GALNT16: variants seen among roughly 807,000 people sequenced by gnomAD.
The protein encoded by GALNT16 is polypeptide N-acetylgalactosaminyltransferase 16.
GALNT16 carries 40 observed loss-of-function variants against 76.1 expected under a neutral mutation model. The ratio of observed to expected loss-of-function variants is 0.53; its 90% CI spans 0.41 to 0.68. The LOEUF (loss-of-function observed/expected upper bound fraction) is 0.68, where lower values mean the gene tolerates loss of function less well. Among genes scored for constraint, GALNT16 ranks in the 30% least tolerant of loss-of-function variants. The pLI is 0.00. For missense variants in GALNT16, 621 were observed against 731.9 expected (o/e 0.85, Z 1.75); for synonymous variants, 276 against 285.2 (o/e 0.97, Z 0.32).
At chr14:69,334,551 G>A (rs138727770) in intron 9 of GALNT16, among the ~76,000 whole-genome samples, 2 of 152,348 alleles carry the variant, frequency 1.3e-5, no homozygotes, top group Non-Finnish European at 2.9e-5. Context: ...GTGCGGGCAG[G>A]ATAGAGGGAA....
downstream of GALNT16, chr14:69,354,523 C>G (rs2045676736): frequency 6.5e-6 from 1 of 153,026 alleles, no homozygotes; most frequent in African/African-American, 2.4e-5. Context: ...GCACACCCTC[C>G]CCCGCCTCGT....
chr14:69,334,545 G>A (rs1459166240), intron 9 of GALNT16, among the ~76,000 whole-genome samples: 3 of 152,214 alleles, frequency 2.0e-5, no homozygotes, highest in South Asian at 4.1e-4. Context: ...TACATGGTGC[G>A]GGCAGGATAG....
chr14:69,260,068 C>G, upstream of GALNT16: 1 of 494,388 alleles, frequency 2.0e-6, no homozygotes, highest in Non-Finnish European at 3.6e-6. Context: ...GCCCGGGGGA[C>G]GCGCGCGCTC....
At chr14:69,260,136 A>ACTCCCCCC, upstream of GALNT16, 18 of 113,994 alleles carry the variant, frequency 1.6e-4, 7 homozygotes, top group South Asian at 1.7e-3. Flanking sequence ...TCTCCCTATC[A>ACTCCCCCC]CCCCCCCGCC....
rs2045442233 is a variant in GALNT16 at position 69,338,505 on chromosome 14, G to T, written c.968-146G>T. The T allele has an allele frequency of 4.8e-6, 5 of 1,044,842 alleles. No homozygotes were observed. In the East Asian group the frequency reaches 1.2e-4, roughly 26 times the overall value. The allele number at this position is 1,044,842 out of a possible 1,614,324, so 64.7% of individuals were successfully genotyped here. A position where few individuals can be genotyped will look rare whatever the true frequency, so the allele number is the denominator to read the frequency against. On this transcript the variant is annotated intron_variant, in intron 9 of 14. Transcript: ENST00000448469. ...GCAGTCAGGAACCTGTGCAAGGAGTGGGAGCACTCCATTTGAGCAGGCCCA... is the reference window on the plus strand; with the variant it reads ...GCAGTCAGGAACCTGTGCAAGGAGTTGGAGCACTCCATTTGAGCAGGCCCA...
At chr14:69,364,889 A>C in the GALNT16 span, among the ~76,000 whole-genome samples, 3 of 152,084 alleles carry the variant, frequency 2.0e-5, no homozygotes, top group African/African-American at 7.3e-5. This position sits in a 1 kb window ranked among gnomAD's most constrained non-coding sequence, Gnocchi z 4.2. Context: ...AAGTGTTTTA[A>C]GTATTATTTC....
intron 1 of GALNT16, among the ~76,000 whole-genome samples, chr14:69,279,838 G>C (rs866036802): frequency 2.0e-4 from 30 of 152,314 alleles, no homozygotes; most frequent in African/African-American, 6.5e-4. Flanking sequence ...GGGGGCCTAG[G>C]CCAAGAAATA....
intron 1 of GALNT16, among the ~76,000 whole-genome samples, chr14:69,311,896 C>CT (rs200480255): frequency 0.028 from 4,324 of 151,924 alleles, 198 homozygotes; most frequent in African/African-American, 0.099. Flanking sequence ...CCCATTATTG[C>CT]TTTTTTTTCC....
intron 14 of GALNT16, chr14:69,348,368 C>T (rs1011944660): frequency 5.4e-5 from 23 of 422,104 alleles, no homozygotes; most frequent in Non-Finnish European, 8.0e-5. Context: ...TCTAATCCTC[C>T]CAGCCACCCA....
chr14:69,343,629 A>G (rs148948761), intron 12 of GALNT16, among the ~76,000 whole-genome samples: 31 of 152,338 alleles, frequency 2.0e-4, no homozygotes, highest in Non-Finnish European at 4.6e-4. Context: ...GACCCTGAAG[A>G]AAAAAGAGCA....
chr14:69,292,213 G>A (rs568293198), intron 1 of GALNT16, among the ~76,000 whole-genome samples: 2 of 152,390 alleles, frequency 1.3e-5, no homozygotes, highest in African/African-American at 4.8e-5. Flanking sequence ...GAGAGGTGAA[G>A]TACTTTGTGC....
rs2044274870 is a variant in GALNT16 at position 69,261,638 on chromosome 14, C to A, written c.177+1171C>A. On this transcript the variant is annotated intron_variant, in intron 1 of 14. Transcript: ENST00000448469. This position sits in a 1 kb window ranked among gnomAD's most constrained non-coding sequence, Gnocchi z 6.4. ...AGGTGCAAGGTCCGGAGGGCTGAGGCTTGTGTGGAGCCGAATCCGAGAAAC... is the reference window on the plus strand; with the variant it reads ...AGGTGCAAGGTCCGGAGGGCTGAGGATTGTGTGGAGCCGAATCCGAGAAAC... Among the ~76,000 whole-genome samples, 1 of 152,060 alleles carries A rather than the reference C, an allele frequency of 6.6e-6. No homozygotes were observed. The highest frequency in any genetic ancestry group is 2.4e-5 in the African/African-American group (1 of 41,402).
the GALNT16 span, among the ~76,000 whole-genome samples, chr14:69,371,138 G>A: frequency 6.6e-6 from 1 of 152,322 alleles, no homozygotes; most frequent in Non-Finnish European, 1.5e-5. Flanking sequence ...TTCCTTGCCT[G>A]AGCAGCTGGT....
At chr14:69,344,664 C>A (rs576905100) in intron 12 of GALNT16, among the ~76,000 whole-genome samples, 7 of 152,278 alleles carry the variant, frequency 4.6e-5, no homozygotes, top group East Asian at 1.9e-4. Context: ...GGGTTTCTTC[C>A]GTAAGCATCA....
At chr14:69,360,983 G>A (rs919735060), downstream of GALNT16, among the ~76,000 whole-genome samples, 21 of 152,228 alleles carry the variant, frequency 1.4e-4, no homozygotes, top group South Asian at 4.1e-4. Flanking sequence ...ACTCTGAGGC[G>A]GAGGGAGAGT....
At chr14:69,264,507 G>T (rs1250291835) in intron 1 of GALNT16, among the ~76,000 whole-genome samples, 1 of 152,144 alleles carries the variant, frequency 6.6e-6, no homozygotes, top group East Asian at 1.9e-4. Flanking sequence ...CTCGCAGGAA[G>T]CCCCCACTTA....
the GALNT16 span, among the ~76,000 whole-genome samples, chr14:69,372,123 T>G: frequency 6.6e-6 from 1 of 152,068 alleles, no homozygotes. Flanking sequence ...AGGGCATCCC[T>G]GTGCAGGAGT....
At chr14:69,310,700 G>A (rs1428556983) in intron 1 of GALNT16, among the ~76,000 whole-genome samples, 1 of 152,062 alleles carries the variant, frequency 6.6e-6, no homozygotes, top group Admixed American at 6.6e-5. Context: ...GTTTTCTGAT[G>A]GAATGAAACT....
At chr14:69,347,221 G>A in intron 13 of GALNT16, 40 bp downstream of exon 13, 1 of 1,553,402 alleles carries the variant, frequency 6.4e-7, no homozygotes, top group Non-Finnish European at 8.7e-7. Context: ...GAGAGAGCTG[G>A]AGGCATTGTC....
Sources: gnomAD v4.1 joint callset for allele counts (sites outside exome capture counted in the v4.1 genomes callset) on GRCh38, gnomAD v4.1.1 for gene constraint, Gnocchi (gnomAD v3.1) non-coding constraint, MANE v1.5 for transcripts, NCBI Gene and HGNC (gene_info 2026-07-23, HGNC 2026-07-21) for gene names.